The following ZSCAN5A variants were observed in gnomAD, a reference collection of about 807,000 sequenced individuals.
ZSCAN5A encodes zinc finger and SCAN domain containing 5A.
Under a neutral mutation model 23.7 loss-of-function variants are expected in ZSCAN5A, and 12 were observed. The observed-to-expected ratio is 0.51, with a 90% CI of 0.32 to 0.82. ZSCAN5A has a LOEUF of 0.82. Ranked by LOEUF, ZSCAN5A falls within the 40% of genes least tolerant of loss-of-function variation. The pLI, the probability that ZSCAN5A is intolerant of heterozygous loss-of-function variation, is 0.03. For synonymous variants in ZSCAN5A, 257 were observed against 239.9 expected (o/e 1.07, Z -0.66); for missense variants, 597 against 617.9 (o/e 0.97, Z 0.36).
chr19:56,240,446 G>A (rs549331493), intron 2 of ZSCAN5A, among the ~76,000 whole-genome samples: 3 of 152,054 alleles, frequency 2.0e-5, no homozygotes, highest in African/African-American at 4.8e-5. Flanking sequence ...GGAGTCCTTC[G>A]ACTTCTCCAT....
intron 2 of ZSCAN5A, chr19:56,301,877 G>A (rs1048222980): frequency 2.4e-5 from 30 of 1,227,122 alleles, no homozygotes; most frequent in Non-Finnish European, 2.6e-5. Context: ...ATGTGAGTTT[G>A]GAGATCAGAA....
intron 2 of ZSCAN5A, among the ~76,000 whole-genome samples, chr19:56,291,000 G>A (rs1271414477): frequency 6.6e-6 from 1 of 152,206 alleles, no homozygotes; most frequent in Non-Finnish European, 1.5e-5. Context: ...CCTCTCTGAA[G>A]GGGTTTCAGG....
rs71184352 is a variant in ZSCAN5A, at chr19:56,362,157, CAAA to C, written c.-358+1075_-358+1077del. Among the ~76,000 whole-genome samples the C allele has an allele frequency of 7.4e-3, 672 of 91,052 alleles. 3 individuals carry two copies. Among genetic ancestry groups the C allele is most frequent in the Middle Eastern group, 0.056 (10 of 178 alleles). The allele number at this position is 91,052 out of a possible 152,430, so 59.7% of individuals were successfully genotyped here. A position where few individuals can be genotyped will look rare whatever the true frequency, so the allele number is the denominator to read the frequency against. On this transcript the variant is annotated intron_variant, in intron 2 of 6. Transcript: ENST00000587340. ...TGGGCGACAGAGTGAGACTCCGTCT[CAAA>C]AAAAAAAAAAAAAAAATTAAAAAAC...
chr19:56,246,172 T>C (rs1019607299), intron 2 of ZSCAN5A: 5 of 168,794 alleles, frequency 3.0e-5, no homozygotes, highest in African/African-American at 1.2e-4. Flanking sequence ...TTTGGGATGA[T>C]GTGGGAGGCC....
chr19:56,308,987 T>C (rs1194400754), intron 2 of ZSCAN5A, among the ~76,000 whole-genome samples: 1 of 152,242 alleles, frequency 6.6e-6, no homozygotes, highest in African/African-American at 2.4e-5. Context: ...TTTCAGGTCA[T>C]ATGGTCTGTT....
At chr19:56,343,425 GA>G in intron 2 of ZSCAN5A, 3 of 513,526 alleles carry the variant, frequency 5.8e-6, no homozygotes, top group East Asian at 1.1e-4. Context: ...GCCATGGTAC[GA>G]AAAAATCAAA....
intron 2 of ZSCAN5A, among the ~76,000 whole-genome samples, chr19:56,257,813 C>T (rs1267319148): frequency 1.6e-3 from 207 of 125,994 alleles, no homozygotes; most frequent in African/African-American, 6.8e-3. Context: ...TCCTGCCTCC[C>T]ACCACTGCCC....
At chr19:56,333,281 CT>C (rs1187553134) in intron 2 of ZSCAN5A, among the ~76,000 whole-genome samples, 5 of 151,956 alleles carry the variant, frequency 3.3e-5, no homozygotes, top group Non-Finnish European at 2.9e-5. Context: ...TTCTCCTTCT[CT>C]CAGAAATGTC....
At chr19:56,368,011 C>T (rs958023811) in intron 1 of ZSCAN5A, 3 of 152,388 alleles carry the variant, frequency 2.0e-5, no homozygotes, top group East Asian at 1.9e-4. Context: ...GAAGTCTGAA[C>T]CTGGTACTGA....
At chr19:56,271,406 G>T (rs190375955) in intron 2 of ZSCAN5A, among the ~76,000 whole-genome samples, 1 of 152,216 alleles carries the variant, frequency 6.6e-6, no homozygotes, top group Admixed American at 6.5e-5. Context: ...CTTTACTTCC[G>T]CATAGCACCG....
intron 2 of ZSCAN5A, among the ~76,000 whole-genome samples, chr19:56,301,189 C>G (rs1265990639): frequency 6.6e-6 from 1 of 152,198 alleles, no homozygotes; most frequent in Admixed American, 6.5e-5. Flanking sequence ...AAAAGACTGG[C>G]TACTCCATAG....
At chr19:56,312,782 T>C (rs1217795791) in intron 2 of ZSCAN5A, among the ~76,000 whole-genome samples, 1 of 152,232 alleles carries the variant, frequency 6.6e-6, no homozygotes, top group Non-Finnish European at 1.5e-5. Context: ...TAAAAAATAT[T>C]CCACTCTTCA....
chr19:56,318,487 A>G (rs2041340510), upstream of ZSCAN5A, among the ~76,000 whole-genome samples: 1 of 152,198 alleles, frequency 6.6e-6, no homozygotes, highest in African/African-American at 2.4e-5. Context: ...GCCACATATG[A>G]AAACATGCAG....
intron 2 of ZSCAN5A, among the ~76,000 whole-genome samples, chr19:56,291,778 A>G (rs1412132637): frequency 2.6e-5 from 4 of 152,090 alleles, no homozygotes; most frequent in African/African-American, 9.7e-5. Context: ...AAAAATAGCT[A>G]TATTACCATC....
chr19:56,353,362 C>T (rs2869162), intron 2 of ZSCAN5A, among the ~76,000 whole-genome samples: 74,676 of 152,060 alleles, frequency 0.49, 20,054 homozygotes, highest in East Asian at 0.79. Flanking sequence ...CTATTCTGTG[C>T]ATTAAGACTA....
chr19:56,251,105 G>A (rs1011090489), intron 2 of ZSCAN5A, among the ~76,000 whole-genome samples: 1 of 150,516 alleles, frequency 6.6e-6, no homozygotes, highest in African/African-American at 2.5e-5. Flanking sequence ...AGCCAAGATC[G>A]TGCCACTGCA....
Position 56,230,375 on chromosome 19 carries a change from T to C in ZSCAN5A, c.-127-5202A>G, listed in dbSNP as rs1412037088. Among the ~76,000 whole-genome samples the C allele has an allele frequency of 5.3e-5, 8 of 152,310 alleles. No homozygotes were observed. In the East Asian group the frequency reaches 1.4e-3, roughly 26 times the overall value. ...CCGGGATTACAGGCATGAGCCACCA[T>C]ACCCGGCCCCAACATATTATTATTA... On this transcript the variant is annotated intron_variant, in intron 2 of 5. Transcript: ENST00000683990.
chr19:56,342,613 T>A, intron 2 of ZSCAN5A: 1 of 448,288 alleles, frequency 2.2e-6, no homozygotes, highest in Non-Finnish European at 4.4e-6. Flanking sequence ...TCCTGCACTC[T>A]TCCTTGATTA....
chr19:56,363,056 C>T (rs1305763347), intron 2 of ZSCAN5A: 1 of 152,168 alleles, frequency 6.6e-6, no homozygotes, highest in Non-Finnish European at 1.5e-5. Flanking sequence ...CAAAGTTATA[C>T]ATTCCTGTAA....
Sources: gnomAD v4.1 joint callset for allele counts (sites outside exome capture counted in the v4.1 genomes callset) on GRCh38, gnomAD v4.1.1 for gene constraint, MANE v1.5 for transcripts, NCBI Gene and HGNC (gene_info 2026-07-23, HGNC 2026-07-21) for gene names.